The following ZBTB20 variants were observed in gnomAD, a reference collection of about 807,000 sequenced individuals.
The protein encoded by ZBTB20 is zinc finger and BTB domain containing 20, also known as zinc finger and BTB domain-containing protein 20.
A neutral mutation model predicts 56.9 loss-of-function variants in ZBTB20; 9 were observed. That is an observed-to-expected ratio of 0.16 (90% CI 0.10 to 0.28). The LOEUF is 0.28. Among genes scored for constraint, ZBTB20 ranks in the 10% least tolerant of loss-of-function variants. The pLI is 1.00. For synonymous variants in ZBTB20, 417 were observed against 420.7 expected (o/e 0.99, Z 0.11); for missense variants, 655 against 1,003.0 (o/e 0.65, Z 4.69).
At position 114,317,566 on chromosome 3, in the gene ZBTB20, A is replaced by G. The variant is rs2078735202; in HGVS notation, c.*21439T>C. 1 of 152,224 alleles carries G rather than the reference A, an allele frequency of 6.6e-6. No individual in the cohort carries two copies. The highest frequency in any genetic ancestry group is 1.5e-5 in the Non-Finnish European group (1 of 68,048). 9.4% of individuals were successfully genotyped at this position (152,224 alleles called of 1,614,324 possible). The stretch of plus-strand genomic sequence containing the variant: ...GGTTACTCAATGCTTTAAATGTCCA[A>G]AGAGTGTCATGAAGGGGTTGAAATG... On this transcript the variant is annotated 3_prime_UTR_variant, in exon 12 of 12. Transcript: ENST00000675478.
intron 5 of ZBTB20, among the ~76,000 whole-genome samples, chr3:114,769,001 C>T (rs149738358): frequency 1.3e-5 from 2 of 152,276 alleles, no homozygotes; most frequent in East Asian, 3.9e-4. Flanking sequence ...AGTTGATACC[C>T]ATAGCACTTA....
At chr3:114,962,834 T>C (rs1280245882) in intron 3 of ZBTB20, among the ~76,000 whole-genome samples, 1 of 152,134 alleles carries the variant, frequency 6.6e-6, no homozygotes, top group Non-Finnish European at 1.5e-5. Context: ...CCCAAGTCCC[T>C]TCATCCTCTC....
chr3:115,015,001 C>G (rs111480044), intron 2 of ZBTB20, among the ~76,000 whole-genome samples: 2 of 151,714 alleles, frequency 1.3e-5, no homozygotes, highest in African/African-American at 4.8e-5. Context: ...AATGACATCA[C>G]ATTTGTAGTT....
At chr3:114,737,260 A>C (rs1312468561) in intron 5 of ZBTB20, among the ~76,000 whole-genome samples, 1 of 152,100 alleles carries the variant, frequency 6.6e-6, no homozygotes, top group African/African-American at 2.4e-5. Flanking sequence ...CATTTTTTTG[A>C]AAATTTGGTT....
At chr3:114,953,544 A>G (rs1322138225) in intron 3 of ZBTB20, among the ~76,000 whole-genome samples, 1 of 152,032 alleles carries the variant, frequency 6.6e-6, no homozygotes, top group Non-Finnish European at 1.5e-5. Flanking sequence ...TCCAATTATA[A>G]TAAAGCTGGA....
At chr3:114,553,036 G>A (rs1021832100) in intron 6 of ZBTB20, among the ~76,000 whole-genome samples, 1 of 152,120 alleles carries the variant, frequency 6.6e-6, no homozygotes, top group Non-Finnish European at 1.5e-5. Flanking sequence ...CCAAATCCAC[G>A]TTTATTTCTT....
intron 7 of ZBTB20, among the ~76,000 whole-genome samples, chr3:114,448,875 C>T (rs1015611460): frequency 2.0e-5 from 3 of 152,032 alleles, no homozygotes; most frequent in East Asian, 3.9e-4. Flanking sequence ...TAATGCTAAC[C>T]TTTTCTCTTG....
At chr3:115,076,202 T>C (rs1560551069) in intron 1 of ZBTB20, among the ~76,000 whole-genome samples, 2 of 152,298 alleles carry the variant, frequency 1.3e-5, no homozygotes, top group South Asian at 2.1e-4. Context: ...GAGTCAATTC[T>C]ACATTTCTGT....
intron 6 of ZBTB20, among the ~76,000 whole-genome samples, chr3:114,625,520 A>G (rs892897193): frequency 6.6e-6 from 1 of 152,202 alleles, no homozygotes; most frequent in African/African-American, 2.4e-5. Flanking sequence ...TATGAGTCTG[A>G]TATCTCAAAG....
intron 7 of ZBTB20, among the ~76,000 whole-genome samples, chr3:114,432,810 A>G (rs900338539): frequency 2.3e-4 from 35 of 152,208 alleles, no homozygotes; most frequent in Non-Finnish European, 1.3e-4. Flanking sequence ...TTTAGCATCT[A>G]ATCAGGTCGG....
chr3:115,112,771 C>A (rs968346738), intron 1 of ZBTB20, among the ~76,000 whole-genome samples: 1 of 152,060 alleles, frequency 6.6e-6, no homozygotes. Flanking sequence ...CATGGGAGTG[C>A]GGGTGTTCCT....
chr3:114,384,328 C>T (rs377094366), intron 8 of ZBTB20, among the ~76,000 whole-genome samples: 14 of 152,000 alleles, frequency 9.2e-5, no homozygotes, highest in African/African-American at 3.4e-4. Flanking sequence ...CAGGGAAGGA[C>T]TTAAGAATAA....
intron 7 of ZBTB20, among the ~76,000 whole-genome samples, chr3:114,430,317 A>G (rs942502112): frequency 6.6e-6 from 1 of 152,220 alleles, no homozygotes; most frequent in Non-Finnish European, 1.5e-5. Context: ...TTCTTCTGGT[A>G]AAGAAACTGA....
At chr3:115,066,895 C>T (rs2108497812) in intron 2 of ZBTB20, among the ~76,000 whole-genome samples, 1 of 152,032 alleles carries the variant, frequency 6.6e-6, no homozygotes, top group East Asian at 1.9e-4. Flanking sequence ...CCAGTTAAAA[C>T]CATTTAAAAT....
chr3:114,496,849 T>C (rs1027193068), intron 7 of ZBTB20, among the ~76,000 whole-genome samples: 3 of 152,200 alleles, frequency 2.0e-5, no homozygotes, highest in African/African-American at 7.2e-5. Context: ...AGAAACTGTT[T>C]CATTTTCAGG....
chr3:115,082,614 T>C (rs926479521), intron 1 of ZBTB20, among the ~76,000 whole-genome samples: 1 of 152,110 alleles, frequency 6.6e-6, no homozygotes, highest in African/African-American at 2.4e-5. Context: ...AAATGCCTTA[T>C]ACTTGAGCCT....
At chr3:114,718,114 G>C (rs1392037078) in intron 5 of ZBTB20, among the ~76,000 whole-genome samples, 2 of 152,052 alleles carry the variant, frequency 1.3e-5, no homozygotes, top group Non-Finnish European at 2.9e-5. Context: ...GGTTTGGCTT[G>C]AAGCTTTTTT....
intron 5 of ZBTB20, among the ~76,000 whole-genome samples, chr3:114,753,557 C>T (rs927487592): frequency 1.3e-5 from 2 of 151,676 alleles, no homozygotes; most frequent in African/African-American, 4.8e-5. Context: ...GCTTCAGCCA[C>T]CCAAGTAGCT....
chr3:115,016,560 T>G (rs944855082), intron 2 of ZBTB20, among the ~76,000 whole-genome samples: 1 of 151,626 alleles, frequency 6.6e-6, no homozygotes, highest in East Asian at 2.0e-4. Context: ...TACCATTTAT[T>G]AGAGGGAATC....
Sources: gnomAD v4.1 joint callset for allele counts (sites outside exome capture counted in the v4.1 genomes callset) on GRCh38, gnomAD v4.1.1 for gene constraint, MANE v1.5 for transcripts, NCBI Gene and HGNC (gene_info 2026-07-23, HGNC 2026-07-21) for gene names.